Variants in CALD1 observed in about 807,000 individuals in gnomAD.
CALD1 encodes the protein caldesmon.
In CALD1, 33 loss-of-function variants were observed where a neutral mutation model predicts 99.9. That is an observed-to-expected ratio of 0.33 (90% CI 0.25 to 0.44). The LOEUF is 0.44. CALD1 is among the 20% of genes least tolerant of loss of function. CALD1 has a pLI of 1.00. For missense variants in CALD1, 861 were observed against 962.1 expected (o/e 0.89, Z 1.39); for synonymous variants, 310 against 325.0 (o/e 0.95, Z 0.50).
At chr7:134,952,009 AC>A (rs1400662560) in intron 9 of CALD1, among the ~76,000 whole-genome samples, 1 of 152,218 alleles carries the variant, frequency 6.6e-6, no homozygotes, top group Non-Finnish European at 1.5e-5. Context: ...AGAGAATTAT[AC>A]CCAGGTCTGG....
At chr7:134,821,645 C>CG (rs1179728105) in intron 1 of CALD1, among the ~76,000 whole-genome samples, 1 of 97,472 alleles carries the variant, frequency 1.0e-5, no homozygotes, top group Non-Finnish European at 2.2e-5. Flanking sequence ...TGCAATGGCA[C>CG]AATCTTGGCT....
intron 1 of CALD1, among the ~76,000 whole-genome samples, chr7:134,843,532 A>G (rs1056758977): frequency 1.3e-5 from 2 of 152,158 alleles, no homozygotes; most frequent in Admixed American, 1.3e-4. Context: ...CACTTATAAC[A>G]TTTTCTTCCT....
chr7:134,845,792 T>C (rs1799827660), intron 2 of CALD1, among the ~76,000 whole-genome samples: 1 of 152,126 alleles, frequency 6.6e-6, no homozygotes, highest in Admixed American at 6.5e-5. Context: ...TGTATGGAAA[T>C]TTTTCCTGCT....
chr7:134,927,741 G>C (rs1237554367), intron 3 of CALD1, among the ~76,000 whole-genome samples: 1 of 150,956 alleles, frequency 6.6e-6, no homozygotes, highest in Non-Finnish European at 1.5e-5. Flanking sequence ...GCCTTAAAGG[G>C]AGCTGCCACC....
intron 13 of CALD1, among the ~76,000 whole-genome samples, chr7:134,963,810 T>A (rs546986075): frequency 1.3e-5 from 2 of 152,340 alleles, no homozygotes; most frequent in Admixed American, 6.5e-5. Context: ...GATGAATGTT[T>A]ATATTTGCTA....
chr7:134,847,938 A>T (rs914822916), intron 2 of CALD1, among the ~76,000 whole-genome samples: 17 of 152,174 alleles, frequency 1.1e-4, no homozygotes, highest in African/African-American at 3.9e-4. Context: ...AGCCTTTCCT[A>T]AGGTTCCAAC....
Position 134,907,050 on chromosome 7 carries a change from C to T in CALD1, c.72-21704C>T, listed in dbSNP as rs147451889. ...AGTGCCCGTCTCACAGATACTATAA[C>T]TACGAAGATCAAATTAGATCGCATA... On this transcript the variant is annotated intron_variant, in intron 3 of 14. Coordinates refer to ENST00000361675, the MANE Select transcript of CALD1 (RefSeq NM_033138.4). 2.6e-5 allele frequency among the ~76,000 whole-genome samples: 4 copies of T among 152,274 alleles called. No individual in the cohort carries two copies. In the East Asian group the frequency reaches 7.7e-4, roughly 29 times the overall value.
intron 2 of CALD1, among the ~76,000 whole-genome samples, chr7:134,861,098 G>A (rs1013310124): frequency 1.3e-5 from 2 of 152,190 alleles, no homozygotes; most frequent in African/African-American, 2.4e-5. Flanking sequence ...GCATGGATAT[G>A]TCATGTGTGA....
intron 3 of CALD1, among the ~76,000 whole-genome samples, chr7:134,870,510 C>T (rs2290360): frequency 6.6e-6 from 1 of 152,122 alleles, no homozygotes; most frequent in Non-Finnish European, 1.5e-5. Flanking sequence ...GGAAGAATTT[C>T]TCTTCTTTTA....
intron 1 of CALD1, among the ~76,000 whole-genome samples, chr7:134,820,007 C>T (rs1798711647): frequency 6.6e-6 from 1 of 152,204 alleles, no homozygotes; most frequent in South Asian, 2.1e-4. Flanking sequence ...AATAATGGAT[C>T]TAATGAAAAT....
Position 134,933,090 on chromosome 7 carries a change from C to A in CALD1, c.321C>A (p.Arg107=). 6.2e-7 allele frequency: 1 copy of A among 1,613,696 alleles called. No homozygotes were observed. Among genetic ancestry groups the A allele is most frequent in the Non-Finnish European group, 8.5e-7 (1 of 1,179,942 alleles). ...GCCTGGCTCGGCGTGAGGAAAGACG[C>A]CAAAAACGCCTTCAGGAGGCTCTGG... ...LERLARREER[R]QKRLQEALER... The change falls in exon 5 of 15, where the codon CGC becomes CGA. Residue 107 remains arginine, a synonymous_variant. Transcript: ENST00000361675.
At chr7:134,843,239 A>C (rs1349296589) in intron 1 of CALD1, among the ~76,000 whole-genome samples, 2 of 152,250 alleles carry the variant, frequency 1.3e-5, no homozygotes, top group Non-Finnish European at 2.9e-5. Flanking sequence ...GCTATGGCTT[A>C]AAGGGCTCAA....
intron 8 of CALD1, among the ~76,000 whole-genome samples, chr7:134,949,108 G>A (rs2133139500): frequency 6.6e-6 from 1 of 152,214 alleles, no homozygotes; most frequent in South Asian, 2.1e-4. Flanking sequence ...CCCAGTGCCT[G>A]GCACATTCTA....
At chr7:134,964,202 A>G (rs997309601) in intron 13 of CALD1, among the ~76,000 whole-genome samples, 1 of 152,172 alleles carries the variant, frequency 6.6e-6, no homozygotes, top group African/African-American at 2.4e-5. Context: ...CTCACAACAG[A>G]AAAAGAAGAA....
At chr7:134,839,488 T>A (rs544243476) in intron 1 of CALD1, among the ~76,000 whole-genome samples, 2 of 152,204 alleles carry the variant, frequency 1.3e-5, no homozygotes, top group African/African-American at 4.8e-5. Flanking sequence ...TGCTGCCAAA[T>A]CTTTTTCCCA....
the CALD1 span, among the ~76,000 whole-genome samples, chr7:134,717,323 G>A: frequency 6.6e-6 from 1 of 152,254 alleles, no homozygotes; most frequent in African/African-American, 2.4e-5. Context: ...ACATAATGGT[G>A]TCACCACCCA....
intron 1 of CALD1, among the ~76,000 whole-genome samples, chr7:134,763,972 T>C (rs1478343605): frequency 6.6e-6 from 1 of 151,786 alleles, no homozygotes; most frequent in Non-Finnish European, 1.5e-5. Context: ...ATTGGCATTC[T>C]AGTTTCTAAA....
chr7:134,716,785 T>G, the CALD1 span, among the ~76,000 whole-genome samples: 1 of 152,214 alleles, frequency 6.6e-6, no homozygotes, highest in Non-Finnish European at 1.5e-5. Flanking sequence ...GAATAGTATT[T>G]ATACTGTAGA....
At chr7:134,806,794 C>T (rs931827376) in intron 1 of CALD1, among the ~76,000 whole-genome samples, 138 of 152,178 alleles carry the variant, frequency 9.1e-4, no homozygotes, top group African/African-American at 3.1e-3. Context: ...TTTTATAATA[C>T]TTATTTTTCT....
Sources: gnomAD v4.1 joint callset for allele counts (sites outside exome capture counted in the v4.1 genomes callset) on GRCh38, gnomAD v4.1.1 for gene constraint, MANE v1.5 for transcripts, NCBI Gene and HGNC (gene_info 2026-07-23, HGNC 2026-07-21) for gene names.